The following GTF3C1 variants were observed in gnomAD, a reference collection of about 807,000 sequenced individuals.
GTF3C1 encodes general transcription factor 3C polypeptide 1.
Under a neutral mutation model 226.7 loss-of-function variants are expected in GTF3C1, and 57 were observed. The ratio of observed to expected loss-of-function variants is 0.25; its 90% confidence interval spans 0.20 to 0.31. The LOEUF (loss-of-function observed/expected upper bound fraction) is 0.31, where lower values mean the gene tolerates loss of function less well. Among genes scored for constraint, GTF3C1 ranks in the 10% least tolerant of loss-of-function variants. The probability of loss-of-function intolerance (pLI) is 1.00; values close to 1 mark genes in which losing one functional copy is unlikely to be tolerated. For missense variants in GTF3C1, 2,217 were observed against 2,776.1 expected, an observed-to-expected ratio of 0.80 and a Z score of 4.53; for synonymous variants, 1,090 against 1,084.8, an observed-to-expected ratio of 1.00 and a Z score of -0.09.
intron 5 of GTF3C1, among the ~76,000 whole-genome samples, chr16:27,532,286 C>T (rs532739271): frequency 2.0e-5 from 3 of 152,166 alleles, no homozygotes; most frequent in African/African-American, 7.2e-5. Flanking sequence ...ACCTCCTCCC[C>T]CTGTGAACAA....
Position 27,461,636 on chromosome 16 carries a change from T to C in GTF3C1, c.6118-74A>G. 5 of 1,161,432 alleles carry C rather than the reference T, an allele frequency of 4.3e-6. No individual in the cohort carries two copies. Among genetic ancestry groups the C allele is most frequent in the Non-Finnish European group, 5.1e-6 (4 of 789,050 alleles). The allele number at this position is 1,161,432 out of a possible 1,614,324, so 71.9% of individuals were successfully genotyped here. A position where few individuals can be genotyped will look rare whatever the true frequency, so the allele number is the denominator to read the frequency against. On this transcript the variant is annotated intron_variant, in intron 36 of 36. Transcript: ENST00000356183. This position sits in a 1 kb window ranked among gnomAD's most constrained non-coding sequence, Gnocchi z 5.3. Reference sequence around the variant, plus strand: ...TGTTGATTTATTCTTCAAGCATTTATGGAATGCCCCCTCTGTACCAGGGAG... The same window carrying C: ...TGTTGATTTATTCTTCAAGCATTTACGGAATGCCCCCTCTGTACCAGGGAG...
At chr16:27,480,288 T>C (rs1289488094) in intron 27 of GTF3C1, among the ~76,000 whole-genome samples, 1 of 151,670 alleles carries the variant, frequency 6.6e-6, no homozygotes, top group African/African-American at 2.4e-5. Context: ...AACAGGCCAT[T>C]GGATTGACTT....
rs1298055303 is a variant in GTF3C1, at chr16:27,461,325, G to A, written c.*25C>T. ...GAGTGGTGTGGCAGGCGGTGGCTGG[G>A]AGGGAGGGGACGCCCACAGGGGTCC... On this transcript the variant is annotated 3_prime_UTR_variant, in exon 37 of 37. Coordinates refer to ENST00000356183, the MANE Select transcript of GTF3C1 (RefSeq NM_001520.4). This position sits in a 1 kb window ranked among gnomAD's most constrained non-coding sequence, Gnocchi z 5.3. The A allele has an allele frequency of 2.0e-6, 3 of 1,482,974 alleles. No individual in the cohort carries two copies. In the South Asian group the frequency reaches 3.5e-5, roughly 17 times the overall value. The allele number at this position is 1,482,974 out of a possible 1,614,324, so 91.9% of individuals were successfully genotyped here.
rs1043227568 is a variant in GTF3C1 at position 27,469,434 on chromosome 16, T to C, written c.4931A>G (p.Asn1644Ser). ...GTAGTAGCCCCTCATCAGCAGGTAGTTGGTGTGGGAGGCTTGCGCAGGTTT... is the reference window on the plus strand; with the variant it reads ...GTAGTAGCCCCTCATCAGCAGGTAGCTGGTGTGGGAGGCTTGCGCAGGTTT... ...EVKPAQASHT[N>S]YLLMRGYYSP... The change falls in exon 32 of 37, where the codon AAC becomes AGC. Residue 1644 changes from asparagine to serine, a missense_variant. Physicochemically the swap from Asn to Ser is conservative, Grantham distance 46 (BLOSUM62 1). Coordinates refer to ENST00000356183, the MANE Select transcript of GTF3C1 (RefSeq NM_001520.4). The surrounding 1 kb of genome is among the most constrained non-coding windows in gnomAD (Gnocchi z 4.5). 2.5e-6 allele frequency: 4 copies of C among 1,614,064 alleles called. No homozygotes were observed. Among genetic ancestry groups the C allele is most frequent in the Non-Finnish European group, 3.4e-6 (4 of 1,180,022 alleles).
chr16:27,535,860 A>AT (rs1459643278), intron 4 of GTF3C1, among the ~76,000 whole-genome samples: 1 of 152,098 alleles, frequency 6.6e-6, no homozygotes, highest in Non-Finnish European at 1.5e-5. Context: ...AAAAAAAAAA[A>AT]GGTGATCTCT....
At chr16:27,490,047 A>T (rs1159926936) in intron 19 of GTF3C1, among the ~76,000 whole-genome samples, 2 of 152,218 alleles carry the variant, frequency 1.3e-5, no homozygotes, top group Non-Finnish European at 2.9e-5. Flanking sequence ...AGGCTCAGGG[A>T]GTCCAGCGCA....
rs1189567766 is a variant in GTF3C1, at chr16:27,503,068, G to C, written c.1771-73C>G. 7.8e-6 allele frequency: 9 copies of C among 1,155,022 alleles called. No homozygotes were observed. The African/African-American group carries it at 9.1e-5, about 12-fold the overall frequency. 71.5% of individuals were successfully genotyped at this position (1,155,022 alleles called of 1,614,324 possible). Reference sequence around the variant, plus strand: ...TGGGGGCCACGCACCACACCTGTGGGTGCACTGGCCCTCTTCAAGAAACTT... The same window carrying C: ...TGGGGGCCACGCACCACACCTGTGGCTGCACTGGCCCTCTTCAAGAAACTT... On this transcript the variant is annotated intron_variant, in intron 10 of 36. Transcript: ENST00000356183.
intron 9 of GTF3C1, 30 bp downstream of exon 9, chr16:27,506,817 C>T (rs1596640951): frequency 6.5e-7 from 1 of 1,539,012 alleles, no homozygotes; most frequent in Non-Finnish European, 8.8e-7. Flanking sequence ...GCAGTGCACG[C>T]AGCCCCTGCC....
At chr16:27,494,694 G>T in intron 16 of GTF3C1, 69 bp downstream of exon 16, 1 of 1,174,370 alleles carries the variant, frequency 8.5e-7, no homozygotes, top group Non-Finnish European at 1.3e-6. Flanking sequence ...CCCTTGCCCA[G>T]GTGAGTGTAG....
chr16:27,489,036 C>T lies in GTF3C1; in HGVS notation c.3429+7G>A, dbSNP rs112848125. 11 of 1,613,184 alleles carry T rather than the reference C, an allele frequency of 6.8e-6. No homozygotes were observed. Among genetic ancestry groups the T allele is most frequent in the African/African-American group, 5.3e-5 (4 of 74,920 alleles). ...TGAGATTGTAGTCCGGTGTGACGCA[C>T]ACCCACCTTTTTGGCCTGGTTGATG... On this transcript the variant is annotated splice_region_variant and intron_variant, in intron 21 of 36. Coordinates refer to ENST00000356183, the MANE Select transcript of GTF3C1 (RefSeq NM_001520.4).
chr16:27,502,093 C>CA (rs566128806), intron 11 of GTF3C1, among the ~76,000 whole-genome samples: 16,140 of 124,262 alleles, frequency 0.13, 1,126 homozygotes, highest in African/African-American at 0.23. Context: ...GACTCCATCT[C>CA]AAAAAAAAAA....
In GTF3C1 at chr16:27,474,752, G is replaced by A. The variant is rs138212988; in HGVS notation, c.4353+1699C>T. ...AATGCTGGGGTGGCAGAGGGCGCAC[G>A]GCACAGATACTAGCCTTCCACTCCA... On this transcript the variant is annotated intron_variant, in intron 29 of 36. Coordinates refer to ENST00000356183, the MANE Select transcript of GTF3C1 (RefSeq NM_001520.4). 2.4e-3 allele frequency among the ~76,000 whole-genome samples: 364 copies of A among 152,230 alleles called. 2 individuals are homozygous for A. Among genetic ancestry groups the A allele is most frequent in the African/African-American group, 8.5e-3 (355 of 41,536 alleles).
chr16:27,479,332 T>C lies in GTF3C1; in HGVS notation c.4197-801A>G, dbSNP rs2088003704. 2.0e-5 allele frequency among the ~76,000 whole-genome samples: 3 copies of C among 152,100 alleles called. No homozygotes were observed. The South Asian group carries it at 6.2e-4, about 32-fold the overall frequency. Reference sequence around the variant, plus strand: ...ACCATTTCCCCATTTTTTTTTTGAGTTTCATGTAATATTATTTTACTGTAT... The same window carrying C: ...ACCATTTCCCCATTTTTTTTTTGAGCTTCATGTAATATTATTTTACTGTAT... On this transcript the variant is annotated intron_variant, in intron 27 of 36. Transcript: ENST00000356183.
At position 27,486,122 on chromosome 16, in the gene GTF3C1, G is replaced by T. The variant is rs772993464; in HGVS notation, c.3733C>A (p.Arg1245Ser). ...EFPGEKSKRLRYHDEADQSAL... is the reference protein window; with the variant it reads ...EFPGEKSKRLSYHDEADQSAL... ...CTCTGGTCGGCTTCATCATGGTAGC[G>T]CAGCCTTTTGCTTTTTTCTCCTGGG... Residue 1245 changes from arginine (R) to serine (S), a missense_variant, in exon 24 of 37, where the codon CGC becomes AGC. This residue lies in a region of GTF3C1 where 546 missense variants were observed against 663.0 expected (regional missense o/e 0.82). Transcript: ENST00000356183. 1.9e-6 allele frequency: 3 copies of T among 1,605,514 alleles called. No homozygotes were observed. Among genetic ancestry groups the T allele is most frequent in the Non-Finnish European group, 2.6e-6 (3 of 1,172,958 alleles).
At chr16:27,484,877 C>T (rs2088111931) in intron 24 of GTF3C1, among the ~76,000 whole-genome samples, 1 of 152,168 alleles carries the variant, frequency 6.6e-6, no homozygotes, top group African/African-American at 2.4e-5. Context: ...TTCTTACATC[C>T]CCAAGGATGA....
intron 6 of GTF3C1, among the ~76,000 whole-genome samples, chr16:27,520,183 C>G (rs897807429): frequency 6.6e-6 from 1 of 152,124 alleles, no homozygotes; most frequent in Admixed American, 6.5e-5. Context: ...GTGGCGTGAT[C>G]GGCTCACTGC....
At chr16:27,479,500 T>C (rs2088006129) in intron 27 of GTF3C1, among the ~76,000 whole-genome samples, 1 of 152,220 alleles carries the variant, frequency 6.6e-6, no homozygotes, top group East Asian at 1.9e-4. Flanking sequence ...TAAATTCCTC[T>C]TATAATTTAG....
Position 27,462,527 on chromosome 16 carries a change from G to A in GTF3C1, c.5925-41C>T. On this transcript the variant is annotated intron_variant, in intron 35 of 36. Coordinates refer to ENST00000356183, the MANE Select transcript of GTF3C1 (RefSeq NM_001520.4). This position sits in a 1 kb window ranked among gnomAD's most constrained non-coding sequence, Gnocchi z 4.5. ...TTGACATCAGGGCTTGGTGGGGGCA[G>A]GAGGGCAGCTCGTCCAGACAGAACA... The A allele has an allele frequency of 5.3e-6, 8 of 1,514,868 alleles. No individual in the cohort carries two copies. The highest frequency in any genetic ancestry group is 6.4e-6 in the Non-Finnish European group (7 of 1,093,518). The allele number at this position is 1,514,868 out of a possible 1,614,324, so 93.8% of individuals were successfully genotyped here.
At chr16:27,529,279 C>A (rs184244291) in intron 5 of GTF3C1, among the ~76,000 whole-genome samples, 1 of 152,150 alleles carries the variant, frequency 6.6e-6, no homozygotes, top group East Asian at 1.9e-4. Flanking sequence ...CCCGTCACTA[C>A]TAAAAATACA....
Sources: allele counts gnomAD v4.1 joint callset (sites outside exome capture counted in the v4.1 genomes callset), GRCh38; gene constraint gnomAD v4.1.1; regional missense constraint gnomAD v4.1.1; non-coding constraint Gnocchi (gnomAD v3.1); transcripts MANE v1.5; gene names NCBI Gene and HGNC (gene_info 2026-07-23, HGNC 2026-07-21).